ODAD2: variants seen among roughly 807,000 people sequenced by gnomAD.
The protein encoded by ODAD2 is outer dynein arm docking complex subunit 2.
In ODAD2, 89 loss-of-function variants were observed where a neutral mutation model predicts 106.8. The observed-to-expected ratio is 0.83, with a 90% CI of 0.70 to 0.99. The LOEUF (loss-of-function observed/expected upper bound fraction) is 0.99. ODAD2 is among the 50% of genes least tolerant of loss of function. The probability of loss-of-function intolerance (pLI) is 0.00; values close to 1 mark genes in which losing one functional copy is unlikely to be tolerated. For missense variants in ODAD2, 1,168 were observed against 1,238.5 expected (o/e 0.94, Z 0.85); for synonymous variants, 404 against 436.2 (o/e 0.93, Z 0.92).
chr10:27,845,762 A>G (rs10763627), intron 19 of ODAD2, among the ~76,000 whole-genome samples: 90,555 of 151,950 alleles, frequency 0.6, 27,332 homozygotes, highest in Middle Eastern at 0.7. Flanking sequence ...AAAAGGCAGG[A>G]GTTGCAATCC....
chr10:27,978,808 AG>A (rs2133070982), intron 7 of ODAD2, among the ~76,000 whole-genome samples: 1 of 152,140 alleles, frequency 6.6e-6, no homozygotes, highest in African/African-American at 2.4e-5. Context: ...AGAAAAGAAA[AG>A]GAAAACTGAA....
intron 17 of ODAD2, among the ~76,000 whole-genome samples, chr10:27,877,875 T>G (rs953118543): frequency 6.6e-6 from 1 of 152,194 alleles, no homozygotes; most frequent in African/African-American, 2.4e-5. Flanking sequence ...CATATGATCT[T>G]CACAACGTTG....
intron 1 of ODAD2, among the ~76,000 whole-genome samples, chr10:27,998,189 C>T (rs534599907): frequency 1.3e-5 from 2 of 152,316 alleles, no homozygotes; most frequent in East Asian, 3.9e-4. Context: ...GTAACATCCA[C>T]GGGGAGTCCG....
rs1845300095 is a variant in ODAD2, at chr10:27,926,971, T to C, written c.2495+8039A>G. Among the ~76,000 whole-genome samples, 3 of 152,268 alleles carry C rather than the reference T, an allele frequency of 2.0e-5. No homozygotes were observed. The South Asian group carries it at 6.2e-4, about 32-fold the overall frequency. ...AATTCAGCACACGTAAATCTACTGT[T>C]TCATAAACTTAATGTATCAGGATAC... On this transcript the variant is annotated intron_variant, in intron 16 of 19. Coordinates refer to ENST00000305242, the MANE Select transcript of ODAD2 (RefSeq NM_018076.5).
At chr10:27,952,200 G>T (rs1847390020) in intron 10 of ODAD2, among the ~76,000 whole-genome samples, 1 of 151,296 alleles carries the variant, frequency 6.6e-6, no homozygotes, top group African/African-American at 2.4e-5. Flanking sequence ...AATAGGCAAA[G>T]GACATAATAC....
chr10:27,903,494 G>A (rs1487982567), intron 17 of ODAD2, among the ~76,000 whole-genome samples: 1 of 152,054 alleles, frequency 6.6e-6, no homozygotes, highest in Non-Finnish European at 1.5e-5. Flanking sequence ...CAAATAGGAA[G>A]AGAGGAAGTC....
At chr10:27,976,246 A>C (rs978823620) in intron 7 of ODAD2, among the ~76,000 whole-genome samples, 4 of 152,268 alleles carry the variant, frequency 2.6e-5, no homozygotes, top group Admixed American at 6.5e-5. Flanking sequence ...TAGTGCATTA[A>C]GGAAATAAAA....
At chr10:27,998,429 G>A (rs1850684051) in intron 1 of ODAD2, among the ~76,000 whole-genome samples, 1 of 152,070 alleles carries the variant, frequency 6.6e-6, no homozygotes, top group South Asian at 2.1e-4. Flanking sequence ...CGAAAACCAC[G>A]CTGGGAGCGG....
At chr10:27,911,795 G>C (rs1325571848) in intron 16 of ODAD2, among the ~76,000 whole-genome samples, 1 of 151,852 alleles carries the variant, frequency 6.6e-6, no homozygotes, top group East Asian at 1.9e-4. Context: ...GTCTTGTGTT[G>C]TGTGCTTCTT....
At chr10:27,842,448 C>T (rs1024716104) in intron 19 of ODAD2, among the ~76,000 whole-genome samples, 1 of 152,152 alleles carries the variant, frequency 6.6e-6, no homozygotes, top group Non-Finnish European at 1.5e-5. Flanking sequence ...GATTGTGCCT[C>T]CAATTAGCAA....
At chr10:27,996,766 C>T (rs1378908442) in intron 1 of ODAD2, among the ~76,000 whole-genome samples, 1 of 152,132 alleles carries the variant, frequency 6.6e-6, no homozygotes, top group Non-Finnish European at 1.5e-5. Flanking sequence ...CCATTGATGG[C>T]AATGTTATTT....
At chr10:27,868,464 T>C (rs1325819621) in intron 17 of ODAD2, among the ~76,000 whole-genome samples, 1 of 151,962 alleles carries the variant, frequency 6.6e-6, no homozygotes, top group Non-Finnish European at 1.5e-5. Flanking sequence ...ATAAAGAAAA[T>C]ATGGTAGATA....
intron 17 of ODAD2, among the ~76,000 whole-genome samples, chr10:27,875,734 A>C (rs1441433636): frequency 6.6e-6 from 1 of 152,162 alleles, no homozygotes; most frequent in African/African-American, 2.4e-5. Context: ...GCATGAGCCA[A>C]AGCAGGGCAA....
chr10:27,935,875 T>TAC (rs1311689150), intron 15 of ODAD2, among the ~76,000 whole-genome samples: 2 of 151,404 alleles, frequency 1.3e-5, no homozygotes, highest in Admixed American at 6.6e-5. Context: ...TACACACACA[T>TAC]ACACACACAC....
intron 17 of ODAD2, among the ~76,000 whole-genome samples, chr10:27,882,229 G>GAAAGAA (rs1554799128): frequency 1.3e-5 from 2 of 149,258 alleles, no homozygotes; most frequent in African/African-American, 4.9e-5. Flanking sequence ...AAGAAAGAAA[G>GAAAGAA]AAAGAAATAT....
chr10:27,827,978 A>T (rs959549554), intron 19 of ODAD2, among the ~76,000 whole-genome samples: 3 of 152,178 alleles, frequency 2.0e-5, no homozygotes, highest in African/African-American at 7.2e-5. Context: ...TGCAGAGGAG[A>T]TAAGGAGTCA....
chr10:27,975,626 T>C (rs898833854), intron 7 of ODAD2, among the ~76,000 whole-genome samples: 1 of 152,176 alleles, frequency 6.6e-6, no homozygotes, highest in African/African-American at 2.4e-5. Context: ...GTCAAATAAA[T>C]TGAATTTGTA....
chr10:27,978,013 C>G (rs1564570400), intron 7 of ODAD2, among the ~76,000 whole-genome samples: 1 of 152,188 alleles, frequency 6.6e-6, no homozygotes, highest in Non-Finnish European at 1.5e-5. Context: ...CCATTTCATT[C>G]TAGGCACATT....
chr10:27,920,291 T>C (rs1564504267), intron 16 of ODAD2, among the ~76,000 whole-genome samples: 2 of 152,152 alleles, frequency 1.3e-5, no homozygotes, highest in African/African-American at 4.8e-5. Flanking sequence ...GTTTACAAAT[T>C]AAAAAAATTT....
Sources: gnomAD v4.1 joint callset for allele counts (sites outside exome capture counted in the v4.1 genomes callset) on GRCh38, gnomAD v4.1.1 for gene constraint, MANE v1.5 for transcripts, NCBI Gene and HGNC (gene_info 2026-07-23, HGNC 2026-07-21) for gene names.